Variants in TESC observed in about 807,000 individuals in gnomAD.
The protein encoded by TESC is calcineurin B homologous protein 3.
A neutral mutation model predicts 31.0 loss-of-function variants in TESC; 19 were observed. The ratio of observed to expected loss-of-function variants is 0.61; its 90% confidence interval spans 0.43 to 0.90. The LOEUF (loss-of-function observed/expected upper bound fraction) is 0.90. Ranked by LOEUF, TESC falls within the 40% of genes least tolerant of loss-of-function variation. The probability of loss-of-function intolerance (pLI) is 0.00; values close to 1 mark genes in which losing one functional copy is unlikely to be tolerated. For synonymous variants in TESC, 109 were observed against 114.8 expected, an observed-to-expected ratio of 0.95 and a Z score of 0.32; for missense variants, 248 against 303.8, an observed-to-expected ratio of 0.82 and a Z score of 1.36.
At chr12:117,097,298 A>G (rs1955408548) in intron 1 of TESC, among the ~76,000 whole-genome samples, 1 of 152,184 alleles carries the variant, frequency 6.6e-6, no homozygotes, top group Non-Finnish European at 1.5e-5. Context: ...AAGCCGCTGC[A>G]GCTACATCTA....
intron 6 of TESC, among the ~76,000 whole-genome samples, chr12:117,046,178 C>A (rs1384847357): frequency 1.3e-5 from 2 of 152,202 alleles, no homozygotes; most frequent in African/African-American, 4.8e-5. Flanking sequence ...GAAGTTGCCT[C>A]TGAGTCATTT....
intron 1 of TESC, among the ~76,000 whole-genome samples, chr12:117,081,653 C>G (rs1230012649): frequency 6.6e-6 from 1 of 152,116 alleles, no homozygotes; most frequent in African/African-American, 2.4e-5. Flanking sequence ...CCTTTAATCC[C>G]AGCACTTTGG....
In TESC at chr12:117,042,410, C is replaced by T. The variant is rs535686372; in HGVS notation, c.520-416G>A. Among the ~76,000 whole-genome samples the T allele has an allele frequency of 1.5e-4, 23 of 152,330 alleles. No individual in the cohort carries two copies. In the East Asian group the frequency reaches 3.1e-3, roughly 20 times the overall value. ...GGACCACCAAGATGCCTCCTGTACC[C>T]GCCTAGGTCTGGCCTCCTCATGCCT... On this transcript the variant is annotated intron_variant, in intron 6 of 7. Coordinates refer to ENST00000335209, the MANE Select transcript of TESC (RefSeq NM_017899.4).
chr12:117,094,373 G>A (rs1955363074), intron 1 of TESC, among the ~76,000 whole-genome samples: 1 of 152,154 alleles, frequency 6.6e-6, no homozygotes, highest in Non-Finnish European at 1.5e-5. Context: ...GGTGAGGGTG[G>A]CACTGGGTTT....
intron 2 of TESC, among the ~76,000 whole-genome samples, chr12:117,072,276 C>T (rs1029277080): frequency 2.0e-5 from 3 of 152,080 alleles, no homozygotes; most frequent in Admixed American, 6.6e-5. Flanking sequence ...TTTTTTTTCC[C>T]CCTAGAGATG....
At chr12:117,071,209 T>C (rs865851352) in intron 2 of TESC, among the ~76,000 whole-genome samples, 4 of 152,204 alleles carry the variant, frequency 2.6e-5, no homozygotes, top group South Asian at 2.1e-4. Context: ...CCTCATTCCT[T>C]TGTTCTTTCA....
chr12:117,070,303 C>T (rs1954948957), intron 2 of TESC, among the ~76,000 whole-genome samples: 1 of 152,180 alleles, frequency 6.6e-6, no homozygotes, highest in Non-Finnish European at 1.5e-5. Context: ...ACCTCATCTC[C>T]CTTCTCTAGG....
intron 2 of TESC, among the ~76,000 whole-genome samples, chr12:117,070,223 G>T (rs989912533): frequency 6.6e-6 from 1 of 152,226 alleles, no homozygotes. Context: ...CAGCACTGGG[G>T]ATCAGTTCCC....
chr12:117,092,540 T>TG lies in TESC; in HGVS notation c.58+6684dup, dbSNP rs570313278. 3.0e-3 allele frequency among the ~76,000 whole-genome samples: 454 copies of TG among 152,270 alleles called. 1 individual carries two copies. Among genetic ancestry groups the TG allele is most frequent in the African/African-American group, 8.5e-3 (353 of 41,564 alleles). ...TCAAGGCAGAAAGGGTTCCAGAGGC[T>TG]GGGGGGGTCCCATGATCTGGACCAC... On this transcript the variant is annotated intron_variant, in intron 1 of 7. Transcript: ENST00000335209.
At chr12:117,090,367 A>G (rs1021428475) in intron 1 of TESC, among the ~76,000 whole-genome samples, 2 of 152,246 alleles carry the variant, frequency 1.3e-5, no homozygotes, top group African/African-American at 4.8e-5. Context: ...GATAGCAGAC[A>G]TATAAAAAAT....
intron 1 of TESC, among the ~76,000 whole-genome samples, chr12:117,082,954 T>C (rs1565974345): frequency 6.6e-6 from 1 of 151,586 alleles, no homozygotes; most frequent in Non-Finnish European, 1.5e-5. Flanking sequence ...TTGATGAGGC[T>C]ATAGAGAAAC....
intron 2 of TESC, among the ~76,000 whole-genome samples, chr12:117,063,305 TAAAGAGAG>T (rs1283472661): frequency 1.3e-5 from 2 of 151,918 alleles, no homozygotes; most frequent in African/African-American, 4.8e-5. Flanking sequence ...ATTTTTACGT[TAAAGAGAG>T]AAAGAGCGAG....
chr12:117,096,682 T>G (rs991545578), intron 1 of TESC, among the ~76,000 whole-genome samples: 23 of 152,124 alleles, frequency 1.5e-4, no homozygotes, highest in African/African-American at 5.6e-4. Flanking sequence ...ACTATGCCCA[T>G]TTTATAGTAG....
At chr12:117,070,405 CA>C (rs1954950539) in intron 2 of TESC, among the ~76,000 whole-genome samples, 1 of 152,162 alleles carries the variant, frequency 6.6e-6, no homozygotes, top group South Asian at 2.1e-4. Context: ...AAGCTGTGGT[CA>C]GTCACCTCCT....
At chr12:117,059,248 G>A (rs945705579) in intron 2 of TESC, among the ~76,000 whole-genome samples, 2 of 152,210 alleles carry the variant, frequency 1.3e-5, no homozygotes, top group Non-Finnish European at 1.5e-5. Flanking sequence ...CCCCTGTGCT[G>A]CCCTGCCTTA....
At chr12:117,097,540 G>A (rs1055249873) in intron 1 of TESC, among the ~76,000 whole-genome samples, 3 of 152,210 alleles carry the variant, frequency 2.0e-5, no homozygotes, top group Non-Finnish European at 4.4e-5. Flanking sequence ...TGGGAGGCGA[G>A]GAGAGGGCAC....
At chr12:117,044,948 T>C (rs778039201) in intron 6 of TESC, among the ~76,000 whole-genome samples, 2 of 152,128 alleles carry the variant, frequency 1.3e-5, no homozygotes, top group Non-Finnish European at 2.9e-5. Flanking sequence ...AGTCAATAAC[T>C]GCCTTTGGAA....
Position 117,093,069 on chromosome 12 carries a change from C to T in TESC, c.58+6156G>A, listed in dbSNP as rs144606670. Among the ~76,000 whole-genome samples the T allele has an allele frequency of 2.4e-3, 358 of 152,274 alleles. 14 individuals are homozygous for T. In the East Asian group the frequency reaches 0.054, roughly 23 times the overall value. On this transcript the variant is annotated intron_variant, in intron 1 of 7. Transcript: ENST00000335209. The stretch of plus-strand genomic sequence containing the variant: ...GGCTGTTCAGCTTACCAAGCTTTGG[C>T]GGACGACAGAACAGTGTGGAGCTGG...
chr12:117,080,754 C>A (rs1955135082), intron 1 of TESC, among the ~76,000 whole-genome samples: 1 of 152,332 alleles, frequency 6.6e-6, no homozygotes, highest in South Asian at 2.1e-4. Flanking sequence ...ACTGCGCCCC[C>A]CCAACCCCTT....
Sources: allele counts gnomAD v4.1 joint callset (sites outside exome capture counted in the v4.1 genomes callset), GRCh38; gene constraint gnomAD v4.1.1; transcripts MANE v1.5; gene names NCBI Gene and HGNC (gene_info 2026-07-23, HGNC 2026-07-21).